PCCA: variants seen among roughly 807,000 people sequenced by gnomAD.
PCCA encodes the protein propionyl-CoA carboxylase subunit alpha, also known as propionyl-CoA carboxylase alpha chain, mitochondrial.
Under a neutral mutation model 101.3 loss-of-function variants are expected in PCCA, and 74 were observed. The observed-to-expected ratio is 0.73, with a 90% CI of 0.61 to 0.89. PCCA has a LOEUF of 0.89. PCCA is among the 40% of genes least tolerant of loss of function. The pLI is 0.00. For missense variants in PCCA, 891 were observed against 907.0 expected (o/e 0.98, Z 0.23); for synonymous variants, 294 against 313.6 (o/e 0.94, Z 0.66).
chr13:100,282,261 G>A (rs2064181005), intron 12 of PCCA, among the ~76,000 whole-genome samples: 1 of 152,268 alleles, frequency 6.6e-6, no homozygotes, highest in Non-Finnish European at 1.5e-5. Flanking sequence ...GACCCTGGCA[G>A]TTGTGAGAGG....
At chr13:100,159,084 CTTTTTTTTTTTTTT>C (rs11350199) in intron 6 of PCCA, among the ~76,000 whole-genome samples, 2 of 58,170 alleles carry the variant, frequency 3.4e-5, no homozygotes, top group East Asian at 5.8e-4. Flanking sequence ...AAAATGCTGC[CTTTTTTTTTTTTTT>C]TTTTTTTTTT....
intron 1 of PCCA, among the ~76,000 whole-genome samples, chr13:100,101,264 T>A (rs933490424): frequency 6.6e-6 from 1 of 152,230 alleles, no homozygotes; most frequent in African/African-American, 2.4e-5. Context: ...GTTTTTCTTA[T>A]CTAGAAATAA....
chr13:100,224,185 G>T (rs2059997986), intron 7 of PCCA, among the ~76,000 whole-genome samples: 2 of 152,234 alleles, frequency 1.3e-5, no homozygotes, highest in South Asian at 2.1e-4. Context: ...CAGGTCCCGA[G>T]CCCTGCCCGG....
intron 8 of PCCA, among the ~76,000 whole-genome samples, chr13:100,252,024 C>T (rs371303078): frequency 6.6e-6 from 1 of 152,162 alleles, no homozygotes; most frequent in Non-Finnish European, 1.5e-5. Flanking sequence ...GGCAAGTGAA[C>T]TACTTTACAT....
chr13:100,235,987 T>C (rs896654136), intron 8 of PCCA, 109 bp downstream of exon 8: 38 of 751,784 alleles, frequency 5.1e-5, no homozygotes, highest in Admixed American at 1.5e-4. Flanking sequence ...TTAATAGTTT[T>C]AGATTTTGAT....
intron 19 of PCCA, among the ~76,000 whole-genome samples, chr13:100,403,732 A>G (rs1282097628): frequency 6.6e-6 from 1 of 152,122 alleles, no homozygotes; most frequent in Non-Finnish European, 1.5e-5. Flanking sequence ...AGGAAAAAAA[A>G]CGGGGGAACA....
chr13:100,135,354 T>TA (rs2051032528), intron 4 of PCCA, among the ~76,000 whole-genome samples: 1 of 152,096 alleles, frequency 6.6e-6, no homozygotes, highest in Admixed American at 6.5e-5. Context: ...TCACAACACT[T>TA]ACATTCCAGC....
intron 18 of PCCA, among the ~76,000 whole-genome samples, chr13:100,348,274 A>G (rs993594578): frequency 6.6e-6 from 1 of 152,146 alleles, no homozygotes; most frequent in Non-Finnish European, 1.5e-5. Context: ...ATCATTTATG[A>G]CTTGGAAAAA....
chr13:100,509,986 T>A lies in PCCA; in HGVS notation c.1900-5441T>A, dbSNP rs866457632. ...TTAACCCATGAGCCGAAAACCCAGA[T>A]GAGGAGCTCTGACTATTGAAAACTA... is the stretch of plus-strand genomic sequence containing the variant. On this transcript the variant is annotated intron_variant, in intron 21 of 23. Coordinates refer to ENST00000376285, the MANE Select transcript of PCCA (RefSeq NM_000282.4). 3.9e-5 allele frequency among the ~76,000 whole-genome samples: 6 copies of A among 152,322 alleles called. 1 individual carries two copies. Among genetic ancestry groups the A allele is most frequent in the Middle Eastern group, 6.8e-3 (2 of 294 alleles).
At chr13:100,188,061 GA>G (rs2057436077) in intron 6 of PCCA, among the ~76,000 whole-genome samples, 1 of 152,144 alleles carries the variant, frequency 6.6e-6, no homozygotes, top group African/African-American at 2.4e-5. Flanking sequence ...TTGGGAGGCC[GA>G]GGTGGGCGGA....
At chr13:100,247,513 GC>G (rs2061509320) in intron 8 of PCCA, among the ~76,000 whole-genome samples, 1 of 121,044 alleles carries the variant, frequency 8.3e-6, no homozygotes, top group Non-Finnish European at 1.6e-5. Context: ...ACCGTGCCCG[GC>G]CTTTTTTTTT....
intron 19 of PCCA, among the ~76,000 whole-genome samples, chr13:100,412,374 G>A (rs1353512179): frequency 6.6e-6 from 1 of 152,168 alleles, no homozygotes; most frequent in Non-Finnish European, 1.5e-5. Context: ...AGGGAATCTG[G>A]GTGAAGGGTG....
At chr13:100,120,027 A>G (rs564786799) in intron 4 of PCCA, among the ~76,000 whole-genome samples, 3 of 151,940 alleles carry the variant, frequency 2.0e-5, no homozygotes, top group South Asian at 2.1e-4. Context: ...ATGCATCACC[A>G]AACTACTGAA....
chr13:100,456,516 TGGCCCC>T (rs1463039822), intron 21 of PCCA, among the ~76,000 whole-genome samples: 3 of 152,148 alleles, frequency 2.0e-5, no homozygotes, highest in Non-Finnish European at 2.9e-5. Context: ...AGACCGGTAG[TGGCCCC>T]GAACGGCTGG....
intron 19 of PCCA, among the ~76,000 whole-genome samples, chr13:100,369,673 C>T (rs946163128): frequency 2.0e-5 from 3 of 152,222 alleles, no homozygotes; most frequent in South Asian, 2.1e-4. Context: ...ATTGCTGAAA[C>T]GTTAGATACT....
chr13:100,322,082 T>C (rs1255279770), intron 16 of PCCA, among the ~76,000 whole-genome samples: 2 of 152,310 alleles, frequency 1.3e-5, no homozygotes, highest in African/African-American at 2.4e-5. Flanking sequence ...GAGACGTTTA[T>C]TTACCTCTCA....
chr13:100,331,206 G>A (rs901593490), intron 17 of PCCA, among the ~76,000 whole-genome samples: 4 of 152,168 alleles, frequency 2.6e-5, no homozygotes, highest in Non-Finnish European at 5.9e-5. Context: ...GCATTTCCAG[G>A]TAGTAGAAAA....
chr13:100,106,039 C>G (rs1327365323), intron 2 of PCCA, among the ~76,000 whole-genome samples: 1 of 151,940 alleles, frequency 6.6e-6, no homozygotes, highest in Non-Finnish European at 1.5e-5. Context: ...GGATAATACT[C>G]GGGCCCGATC....
At chr13:100,124,592 G>A (rs1429913310) in intron 4 of PCCA, among the ~76,000 whole-genome samples, 1 of 152,124 alleles carries the variant, frequency 6.6e-6, no homozygotes. Context: ...TGTCCCTGCT[G>A]TCTGGGGAGG....
Sources: allele counts gnomAD v4.1 joint callset (sites outside exome capture counted in the v4.1 genomes callset), GRCh38; gene constraint gnomAD v4.1.1; transcripts MANE v1.5; gene names NCBI Gene and HGNC (gene_info 2026-07-23, HGNC 2026-07-21).